FNIP2: variants seen among roughly 807,000 people sequenced by gnomAD.
FNIP2 encodes folliculin interacting protein 2.
Under a neutral mutation model 108.7 loss-of-function variants are expected in FNIP2, and 32 were observed. That is an observed-to-expected ratio of 0.29 (90% CI 0.22 to 0.40). The LOEUF (loss-of-function observed/expected upper bound fraction) is 0.40, where lower values mean the gene tolerates loss of function less well. FNIP2 is among the 10% of genes least tolerant of loss of function. The probability of loss-of-function intolerance (pLI) is 1.00; values close to 1 mark genes in which losing one functional copy is unlikely to be tolerated. For synonymous variants in FNIP2, 480 were observed against 496.7 expected (o/e 0.97, Z 0.45); for missense variants, 1,202 against 1,381.6 (o/e 0.87, Z 2.06).
At chr4:158,867,712 T>G (rs1452976015) in intron 12 of FNIP2, among the ~76,000 whole-genome samples, 1 of 152,260 alleles carries the variant, frequency 6.6e-6, no homozygotes, top group Non-Finnish European at 1.5e-5. Flanking sequence ...CCTGGGATTC[T>G]TCCAACAAAT....
intron 1 of FNIP2, among the ~76,000 whole-genome samples, chr4:158,823,416 C>A (rs1003600127): frequency 2.0e-5 from 3 of 152,172 alleles, no homozygotes; most frequent in Non-Finnish European, 4.4e-5. Flanking sequence ...TGGGTGCCCA[C>A]TAGTGCGCCT....
chr4:158,826,945 A>G (rs906470360), intron 2 of FNIP2, among the ~76,000 whole-genome samples: 2 of 152,250 alleles, frequency 1.3e-5, no homozygotes, highest in Non-Finnish European at 2.9e-5. Context: ...GTAAATGAAC[A>G]GTTTATAACG....
chr4:158,876,005 G>A (rs1451555336), intron 14 of FNIP2, among the ~76,000 whole-genome samples: 1 of 151,996 alleles, frequency 6.6e-6, no homozygotes, highest in Non-Finnish European at 1.5e-5. Flanking sequence ...ATACACATGT[G>A]CACACATGTC....
chr4:158,854,485 G>C (rs1440555410), intron 8 of FNIP2, among the ~76,000 whole-genome samples: 3 of 152,202 alleles, frequency 2.0e-5, no homozygotes, highest in Non-Finnish European at 2.9e-5. Flanking sequence ...CCTGACTGCC[G>C]GGCCAGTTGC....
chr4:158,860,055 A>C (rs981208736), intron 10 of FNIP2, among the ~76,000 whole-genome samples: 1 of 152,236 alleles, frequency 6.6e-6, no homozygotes, highest in Non-Finnish European at 1.5e-5. Flanking sequence ...GAGGTTATGC[A>C]TGTCGGGAAG....
chr4:158,784,211 C>A (rs1776143170), intron 1 of FNIP2, among the ~76,000 whole-genome samples: 1 of 152,224 alleles, frequency 6.6e-6, no homozygotes, highest in African/African-American at 2.4e-5. Flanking sequence ...GAAAATTCAT[C>A]TCTTGCTCTT....
chr4:158,889,444 G>A (rs965805176), intron 14 of FNIP2, among the ~76,000 whole-genome samples: 3 of 152,050 alleles, frequency 2.0e-5, no homozygotes, highest in Non-Finnish European at 4.4e-5. Flanking sequence ...TGTTGGTAGT[G>A]GTACTATATA....
At chr4:158,903,907 C>A (rs190362868) in intron 16 of FNIP2, among the ~76,000 whole-genome samples, 1 of 152,304 alleles carries the variant, frequency 6.6e-6, no homozygotes, top group Admixed American at 6.5e-5. Flanking sequence ...CATTTGAAAC[C>A]ATGATGTCTC....
At chr4:158,814,137 C>T (rs1056724080) in intron 1 of FNIP2, among the ~76,000 whole-genome samples, 2 of 152,152 alleles carry the variant, frequency 1.3e-5, no homozygotes, top group Non-Finnish European at 2.9e-5. Flanking sequence ...TCACTCTGCC[C>T]AAGCTGGAGT....
At chr4:158,789,984 A>G (rs1273914700) in intron 1 of FNIP2, among the ~76,000 whole-genome samples, 1 of 152,146 alleles carries the variant, frequency 6.6e-6, no homozygotes, top group Non-Finnish European at 1.5e-5. Context: ...GAGCATTGAC[A>G]TGACACGTCA....
At chr4:158,776,252 C>T (rs1775855799) in intron 1 of FNIP2, among the ~76,000 whole-genome samples, 1 of 152,146 alleles carries the variant, frequency 6.6e-6, no homozygotes, top group African/African-American at 2.4e-5. Context: ...CAGCCTGATT[C>T]CCAGTAAGGA....
chr4:158,790,132 A>G (rs1420891697), intron 1 of FNIP2, among the ~76,000 whole-genome samples: 3 of 151,846 alleles, frequency 2.0e-5, no homozygotes, highest in Non-Finnish European at 4.4e-5. Flanking sequence ...AAAGAAACAT[A>G]AGTGAATTTT....
intron 1 of FNIP2, among the ~76,000 whole-genome samples, chr4:158,810,845 G>T (rs561314621): frequency 6.6e-6 from 1 of 152,316 alleles, no homozygotes; most frequent in South Asian, 2.1e-4. Flanking sequence ...AGCTTCTGAA[G>T]CCTTTTTTCC....
intron 12 of FNIP2, among the ~76,000 whole-genome samples, chr4:158,867,894 G>T (rs1472746508): frequency 6.6e-6 from 1 of 152,238 alleles, no homozygotes; most frequent in Admixed American, 6.5e-5. Flanking sequence ...CACACCAGGG[G>T]TGGTGGGCCA....
chr4:158,877,521 T>C (rs1299275449), intron 14 of FNIP2, among the ~76,000 whole-genome samples: 5 of 152,210 alleles, frequency 3.3e-5, no homozygotes, highest in Non-Finnish European at 7.3e-5. Flanking sequence ...GATAAGCAAA[T>C]GCTTTTAGAG....
At chr4:158,784,302 G>A (rs573996928) in intron 1 of FNIP2, among the ~76,000 whole-genome samples, 1 of 152,232 alleles carries the variant, frequency 6.6e-6, no homozygotes, top group Admixed American at 6.5e-5. Flanking sequence ...CGGTTTAGAT[G>A]CCACCTCTGA....
At position 158,870,436 on chromosome 4, in the gene FNIP2, G is replaced by C; in HGVS notation, c.2916G>C (p.Gln972His). The C allele has an allele frequency of 6.2e-7, 1 of 1,613,852 alleles. No homozygotes were observed. The highest frequency in any genetic ancestry group is 8.5e-7 in the Non-Finnish European group (1 of 1,179,790). Residue 972 changes from glutamine (Q) to histidine (H), a missense_variant, in exon 14 of 17, where the codon CAG becomes CAC. Physicochemically the swap from Gln to His is conservative, Grantham distance 24 (BLOSUM62 0). Coordinates refer to ENST00000264433, the MANE Select transcript of FNIP2 (RefSeq NM_020840.3). ...HGTGSDEKLK[Q>H]CLVADLVHTV... Reference sequence around the variant, plus strand: ...CCGGCAGTGATGAGAAGCTGAAGCAGTGCCTGGTGGCCGACCTTGTCCACA... The same window carrying C: ...CCGGCAGTGATGAGAAGCTGAAGCACTGCCTGGTGGCCGACCTTGTCCACA...
intron 8 of FNIP2, among the ~76,000 whole-genome samples, chr4:158,856,261 A>G (rs1779977273): frequency 6.6e-6 from 1 of 152,220 alleles, no homozygotes; most frequent in Non-Finnish European, 1.5e-5. Flanking sequence ...GACCTACAAA[A>G]CATTAATTTC....
chr4:158,869,326 T>G lies in FNIP2; in HGVS notation c.2690T>G (p.Leu897Arg). ...CGAAATGAAAGCTCAGATAGCGCCC[T>G]GGGAGACAGTGACGACGAAGCCTGC... ...IPRNESSDSALGDSDDEACAS... is the reference protein window; with the variant it reads ...IPRNESSDSARGDSDDEACAS... The change falls in exon 13 of 17, where the codon CTG (leucine) becomes CGG (arginine). Residue 897 changes from leucine (L) to arginine (R), a missense_variant. Leu to Arg is a moderately radical substitution (Grantham distance 102, BLOSUM62 -2). Transcript: ENST00000264433. 6.2e-7 allele frequency: 1 copy of G among 1,613,470 alleles called. No individual in the cohort carries two copies. Among genetic ancestry groups the G allele is most frequent in the Non-Finnish European group, 8.5e-7 (1 of 1,179,756 alleles).
Sources: gnomAD v4.1 joint callset for allele counts (sites outside exome capture counted in the v4.1 genomes callset) on GRCh38, gnomAD v4.1.1 for gene constraint, MANE v1.5 for transcripts, NCBI Gene and HGNC (gene_info 2026-07-23, HGNC 2026-07-21) for gene names.